Variants in CHCHD6 observed in about 807,000 individuals in gnomAD.
The protein encoded by CHCHD6 is coiled-coil-helix-coiled-coil-helix domain containing 6.
Under a neutral mutation model 32.3 loss-of-function variants are expected in CHCHD6, and 28 were observed. The observed-to-expected ratio is 0.87, with a 90% confidence interval of 0.64 to 1.19. The LOEUF is 1.19. Among genes scored for constraint, CHCHD6 ranks in the 50% most tolerant of loss-of-function variants. The pLI, the probability that CHCHD6 is intolerant of heterozygous loss-of-function variation, is 0.00. For synonymous variants in CHCHD6, 122 were observed against 117.5 expected (o/e 1.04, Z -0.25); for missense variants, 333 against 307.0 (o/e 1.08, Z -0.63).
chr3:126,841,550 G>A (rs148258182), intron 4 of CHCHD6, among the ~76,000 whole-genome samples: 5 of 152,116 alleles, frequency 3.3e-5, no homozygotes, highest in East Asian at 3.9e-4. Flanking sequence ...GAGTTTTGAC[G>A]ATCTCACTAT....
chr3:126,865,586 C>G, intron 5 of CHCHD6: 1 of 985,404 alleles, frequency 1.0e-6, no homozygotes, highest in Non-Finnish European at 1.2e-6. Context: ...CCCTCTTCCT[C>G]TACCACCTCC....
chr3:126,950,198 G>A (rs1236440804), intron 6 of CHCHD6, among the ~76,000 whole-genome samples: 1 of 152,022 alleles, frequency 6.6e-6, no homozygotes, highest in Non-Finnish European at 1.5e-5. Flanking sequence ...TGTCATTGAG[G>A]GAAGGGAAGG....
chr3:126,733,714 G>T (rs1935915046), intron 4 of CHCHD6, among the ~76,000 whole-genome samples: 1 of 152,214 alleles, frequency 6.6e-6, no homozygotes, highest in Non-Finnish European at 1.5e-5. Flanking sequence ...ACTGCCCAGG[G>T]AATCAGAGGA....
At chr3:126,928,608 G>A (rs1381998949) in intron 6 of CHCHD6, among the ~76,000 whole-genome samples, 3 of 152,214 alleles carry the variant, frequency 2.0e-5, no homozygotes, top group African/African-American at 7.2e-5. Context: ...GGTTTTGTTT[G>A]TTTGTTTCTG....
intron 4 of CHCHD6, among the ~76,000 whole-genome samples, chr3:126,734,602 G>A (rs1292493405): frequency 2.0e-5 from 3 of 152,232 alleles, no homozygotes; most frequent in Non-Finnish European, 2.9e-5. Context: ...TAGCCCTCGG[G>A]AAGTTTTAGT....
chr3:126,800,658 C>A (rs1939018874), intron 4 of CHCHD6, among the ~76,000 whole-genome samples: 1 of 152,180 alleles, frequency 6.6e-6, no homozygotes, highest in Non-Finnish European at 1.5e-5. Flanking sequence ...TCCAGGTTAT[C>A]CCCCTGTGAG....
intron 5 of CHCHD6, among the ~76,000 whole-genome samples, chr3:126,879,947 G>C (rs1478196976): frequency 1.3e-5 from 2 of 152,162 alleles, no homozygotes; most frequent in Non-Finnish European, 2.9e-5. Flanking sequence ...AATTTTGTTG[G>C]TTTGAAAATT....
chr3:126,917,086 A>C (rs1245387601), intron 6 of CHCHD6, among the ~76,000 whole-genome samples: 1 of 152,218 alleles, frequency 6.6e-6, no homozygotes, highest in Non-Finnish European at 1.5e-5. Flanking sequence ...TCTCATCCTC[A>C]TATCCCCTGA....
intron 4 of CHCHD6, among the ~76,000 whole-genome samples, chr3:126,797,799 C>G (rs895044318): frequency 1.3e-5 from 2 of 152,186 alleles, no homozygotes; most frequent in African/African-American, 4.8e-5. Context: ...CCCTCAGGCT[C>G]CTGACCCAAG....
chr3:126,820,952 C>T (rs1559863879), intron 4 of CHCHD6, among the ~76,000 whole-genome samples: 1 of 152,168 alleles, frequency 6.6e-6, no homozygotes, highest in East Asian at 1.9e-4. Flanking sequence ...CCCCAGAACC[C>T]CATGCCCATC....
intron 4 of CHCHD6, among the ~76,000 whole-genome samples, chr3:126,827,421 T>A (rs956156801): frequency 1.3e-5 from 2 of 152,102 alleles, no homozygotes; most frequent in Non-Finnish European, 2.9e-5. Context: ...TTCAGGAGTG[T>A]GTAGCAGGAA....
chr3:126,725,523 C>T (rs1935489656), intron 1 of CHCHD6, among the ~76,000 whole-genome samples: 1 of 152,302 alleles, frequency 6.6e-6, no homozygotes, highest in Middle Eastern at 3.4e-3. Context: ...GCTAAATGAA[C>T]ATTGGCTTCC....
chr3:126,954,879 C>T (rs1046578490), intron 6 of CHCHD6, among the ~76,000 whole-genome samples: 21 of 152,200 alleles, frequency 1.4e-4, no homozygotes, highest in African/African-American at 5.1e-4. Flanking sequence ...CTGGCAGTGC[C>T]ACTGAAGGCA....
intron 4 of CHCHD6, among the ~76,000 whole-genome samples, chr3:126,818,091 G>A (rs1480468436): frequency 6.6e-6 from 1 of 152,182 alleles, no homozygotes; most frequent in African/African-American, 2.4e-5. Flanking sequence ...AAGTCTGGCA[G>A]GGGAAGTGTC....
intron 4 of CHCHD6, among the ~76,000 whole-genome samples, chr3:126,748,688 T>C (rs1388999069): frequency 1.3e-5 from 2 of 151,842 alleles, no homozygotes; most frequent in East Asian, 3.9e-4. Context: ...CTTCAAGGGG[T>C]ATTTATCACC....
chr3:126,888,977 G>A (rs1168047593), intron 5 of CHCHD6, among the ~76,000 whole-genome samples: 1 of 152,162 alleles, frequency 6.6e-6, no homozygotes, highest in Non-Finnish European at 1.5e-5. Context: ...GTCTCTATAT[G>A]GGTGTGGAGA....
chr3:126,833,777 C>T (rs950793116), intron 4 of CHCHD6, among the ~76,000 whole-genome samples: 13 of 152,110 alleles, frequency 8.5e-5, no homozygotes, highest in Admixed American at 2.6e-4. Context: ...ATAACGTGGC[C>T]GGGCGCGGTG....
chr3:126,917,437 C>G (rs1317020608), intron 6 of CHCHD6, among the ~76,000 whole-genome samples: 1 of 152,132 alleles, frequency 6.6e-6, no homozygotes, highest in Non-Finnish European at 1.5e-5. Context: ...CAGAGCCTGC[C>G]CGGGTTTTGG....
chr3:126,869,080 A>G (rs894073144), intron 5 of CHCHD6, among the ~76,000 whole-genome samples: 2 of 152,254 alleles, frequency 1.3e-5, no homozygotes, highest in Non-Finnish European at 2.9e-5. Flanking sequence ...AAAGCATGCA[A>G]AGTATGGCTC....
Sources: allele counts gnomAD v4.1 joint callset (sites outside exome capture counted in the v4.1 genomes callset), GRCh38; gene constraint gnomAD v4.1.1; transcripts MANE v1.5; gene names NCBI Gene and HGNC (gene_info 2026-07-23, HGNC 2026-07-21).